The following PTPRM variants were observed in gnomAD, a reference collection of about 807,000 sequenced individuals.
PTPRM encodes the protein protein tyrosine phosphatase receptor type M.
Under a neutral mutation model 186.7 loss-of-function variants are expected in PTPRM, and 47 were observed. The ratio of observed to expected loss-of-function variants is 0.25; its 90% CI spans 0.20 to 0.32. PTPRM has a LOEUF of 0.32. PTPRM is among the 10% of genes least tolerant of loss of function. The pLI is 1.00. For missense variants in PTPRM, 1,494 were observed against 1,865.0 expected (o/e 0.80, Z 3.66); for synonymous variants, 668 against 674.9 (o/e 0.99, Z 0.16).
intron 2 of PTPRM, among the ~76,000 whole-genome samples, chr18:7,863,165 C>T (rs1305661307): frequency 2.0e-5 from 3 of 151,806 alleles, no homozygotes; most frequent in African/African-American, 7.3e-5. Flanking sequence ...GTTTCATGTG[C>T]GTAGGTGAAT....
At chr18:8,240,620 A>G (rs1178225345) in intron 14 of PTPRM, among the ~76,000 whole-genome samples, 4 of 5,122 alleles carry the variant, frequency 7.8e-4, no homozygotes, top group Non-Finnish European at 1.5e-3. Context: ...AGAGGGAGGG[A>G]GAGAGAGAGA....
intron 2 of PTPRM, among the ~76,000 whole-genome samples, chr18:7,821,515 G>A (rs1332634442): frequency 2.0e-5 from 3 of 151,956 alleles, no homozygotes; most frequent in African/African-American, 4.8e-5. Context: ...CCTAGTGGAT[G>A]CCTGAAACCA....
At chr18:7,934,917 A>T (rs948588298) in intron 5 of PTPRM, among the ~76,000 whole-genome samples, 7 of 152,202 alleles carry the variant, frequency 4.6e-5, no homozygotes, top group African/African-American at 1.7e-4. Flanking sequence ...GATAGCATTG[A>T]TCAGAATGTA....
chr18:8,106,367 T>A (rs2091519545), intron 11 of PTPRM, among the ~76,000 whole-genome samples: 1 of 152,052 alleles, frequency 6.6e-6, no homozygotes, highest in Admixed American at 6.6e-5. Context: ...TCAGGGAGAA[T>A]GTTGGTGACT....
chr18:8,134,729 T>G (rs2092597781), intron 13 of PTPRM, among the ~76,000 whole-genome samples: 2 of 152,192 alleles, frequency 1.3e-5, no homozygotes. Context: ...CCTTTTTCAT[T>G]CTTTCCTTTT....
chr18:7,686,906 G>A (rs1340698276), intron 1 of PTPRM, among the ~76,000 whole-genome samples: 1 of 152,158 alleles, frequency 6.6e-6, no homozygotes, highest in African/African-American at 2.4e-5. Context: ...TAAAAAAGAG[G>A]CCAAAGTTAA....
intron 2 of PTPRM, among the ~76,000 whole-genome samples, chr18:7,795,631 A>G (rs577844374): frequency 2.6e-5 from 4 of 152,200 alleles, no homozygotes; most frequent in Non-Finnish European, 4.4e-5. Context: ...ACCTTTAGCT[A>G]TTCATCTTCT....
At chr18:8,355,622 G>A (rs909598131) in intron 23 of PTPRM, among the ~76,000 whole-genome samples, 2 of 152,164 alleles carry the variant, frequency 1.3e-5, no homozygotes, top group East Asian at 3.9e-4. Flanking sequence ...TCCAAAGGCA[G>A]AACAATCAGC....
rs2036496795 is a variant in PTPRM, at chr18:7,568,707, CGT to C, written c.73+820_73+821del. 6.6e-6 allele frequency among the ~76,000 whole-genome samples: 1 copy of C among 152,146 alleles called. No homozygotes were observed. Among genetic ancestry groups the C allele is most frequent in the Admixed American group, 6.5e-5 (1 of 15,286 alleles). Reference sequence around the variant, plus strand: ...GAGGCACTGGCGGTGTGCGAGCAAGCGTGTGAGTGTGTGCGCGTGTGTGCCTG... The same window carrying C: ...GAGGCACTGGCGGTGTGCGAGCAAGCGTGAGTGTGTGCGCGTGTGTGCCTG... On this transcript the variant is annotated intron_variant, in intron 1 of 32. Coordinates refer to ENST00000580170, the MANE Select transcript of PTPRM (RefSeq NM_001105244.2). This position sits in a 1 kb window ranked among gnomAD's most constrained non-coding sequence, Gnocchi z 5.1.
intron 24 of PTPRM, among the ~76,000 whole-genome samples, chr18:8,372,683 C>T (rs952970338): frequency 4.6e-5 from 7 of 150,628 alleles, no homozygotes; most frequent in Non-Finnish European, 1.0e-4. Flanking sequence ...CTGAACCTCA[C>T]ACTTTGATGT....
intron 7 of PTPRM, among the ~76,000 whole-genome samples, chr18:8,017,353 A>G (rs1436353889): frequency 6.6e-6 from 1 of 152,106 alleles, no homozygotes; most frequent in African/African-American, 2.4e-5. Flanking sequence ...CCTGACCAAC[A>G]TGGTGAAATA....
intron 1 of PTPRM, among the ~76,000 whole-genome samples, chr18:7,595,144 C>T (rs955410342): frequency 6.6e-6 from 1 of 152,128 alleles, no homozygotes; most frequent in African/African-American, 2.4e-5. Flanking sequence ...TGGTTGTGAT[C>T]CTAGAGCTGC....
At chr18:8,138,759 C>T (rs1368394834) in intron 13 of PTPRM, among the ~76,000 whole-genome samples, 1 of 152,154 alleles carries the variant, frequency 6.6e-6, no homozygotes, top group Non-Finnish European at 1.5e-5. Context: ...CAGCAGGCAG[C>T]TCCTTTCCCT....
intron 1 of PTPRM, among the ~76,000 whole-genome samples, chr18:7,770,862 TA>T (rs1345489925): frequency 2.0e-5 from 3 of 152,190 alleles, no homozygotes; most frequent in Admixed American, 1.3e-4. Flanking sequence ...GAATGAAGGC[TA>T]GGGGTGGATC....
intron 14 of PTPRM, among the ~76,000 whole-genome samples, chr18:8,176,305 A>C (rs1400515440): frequency 3.3e-5 from 5 of 152,200 alleles, no homozygotes; most frequent in African/African-American, 1.2e-4. Context: ...TATCTACTGC[A>C]ATCTCAAAAA....
At chr18:8,247,214 T>C (rs537950802) in intron 15 of PTPRM, among the ~76,000 whole-genome samples, 1 of 152,300 alleles carries the variant, frequency 6.6e-6, no homozygotes, top group South Asian at 2.1e-4. Flanking sequence ...TGAAATCAGA[T>C]AAATTGGATG....
At chr18:8,027,983 A>T (rs562952864) in intron 7 of PTPRM, among the ~76,000 whole-genome samples, 22 of 151,900 alleles carry the variant, frequency 1.4e-4, no homozygotes, top group African/African-American at 4.8e-4. Context: ...CTTTATGCAC[A>T]TGGCCGTTCA....
chr18:7,704,127 A>T (rs1257607460), intron 1 of PTPRM, among the ~76,000 whole-genome samples: 1 of 152,158 alleles, frequency 6.6e-6, no homozygotes, highest in Non-Finnish European at 1.5e-5. Flanking sequence ...TATTGGCCTG[A>T]TATTTTCCTT....
chr18:7,747,992 G>C (rs576200855), intron 1 of PTPRM, among the ~76,000 whole-genome samples: 1 of 152,222 alleles, frequency 6.6e-6, no homozygotes, highest in Admixed American at 6.5e-5. Context: ...AAATGTTTGA[G>C]AGGCTGCACT....
Sources: gnomAD v4.1 joint callset for allele counts (sites outside exome capture counted in the v4.1 genomes callset) on GRCh38, gnomAD v4.1.1 for gene constraint, Gnocchi (gnomAD v3.1) non-coding constraint, MANE v1.5 for transcripts, NCBI Gene and HGNC (gene_info 2026-07-23, HGNC 2026-07-21) for gene names.